UBXN7: variants seen among roughly 807,000 people sequenced by gnomAD.
UBXN7 encodes UBX domain-containing protein 7.
A neutral mutation model predicts 58.0 loss-of-function variants in UBXN7; 9 were observed. The ratio of observed to expected loss-of-function variants is 0.16; its 90% CI spans 0.09 to 0.27. UBXN7 has a LOEUF of 0.27. UBXN7 is among the 10% of genes least tolerant of loss of function. The pLI is 1.00. For synonymous variants in UBXN7, 208 were observed against 205.0 expected (o/e 1.01, Z -0.12); for missense variants, 328 against 599.6 (o/e 0.55, Z 4.73).
At chr3:196,427,858 G>A (rs1730898953) in intron 1 of UBXN7, among the ~76,000 whole-genome samples, 1 of 152,216 alleles carries the variant, frequency 6.6e-6, no homozygotes, top group Non-Finnish European at 1.5e-5. Context: ...CGGTTGCAGT[G>A]GCTCACGCCC....
chr3:196,424,477 C>G (rs1196009624), intron 1 of UBXN7, among the ~76,000 whole-genome samples: 2 of 148,914 alleles, frequency 1.3e-5, no homozygotes, highest in Non-Finnish European at 3.0e-5. Context: ...TCACTGCAGC[C>G]TCAAAGTTCT....
At chr3:196,368,361 A>G (rs1728726710) in intron 7 of UBXN7, among the ~76,000 whole-genome samples, 1 of 152,182 alleles carries the variant, frequency 6.6e-6, no homozygotes, top group Non-Finnish European at 1.5e-5. Context: ...TATCTCTTTC[A>G]GCATATGCAT....
At chr3:196,404,510 C>G (rs1249631413) in intron 2 of UBXN7, among the ~76,000 whole-genome samples, 1 of 152,028 alleles carries the variant, frequency 6.6e-6, no homozygotes, top group Non-Finnish European at 1.5e-5. Context: ...GATCCGCCCA[C>G]CTCGGCCTCC....
chr3:196,431,981 A>G, intron 1 of UBXN7: 2 of 469,378 alleles, frequency 4.3e-6, no homozygotes, highest in Admixed American at 3.3e-5. Flanking sequence ...GAGGAGGAGG[A>G]GGGCGGTGGC....
chr3:196,432,087 T>TG, intron 1 of UBXN7: 1 of 625,056 alleles, frequency 1.6e-6, no homozygotes, highest in Non-Finnish European at 2.9e-6. Context: ...GGCGGGGGGT[T>TG]GGGGGATCTC....
At chr3:196,429,537 A>G (rs1222876349) in intron 1 of UBXN7, among the ~76,000 whole-genome samples, 1 of 151,920 alleles carries the variant, frequency 6.6e-6, no homozygotes, top group Non-Finnish European at 1.5e-5. Flanking sequence ...ATTTTTGATG[A>G]TGCATTTGTT....
At chr3:196,359,262 C>T (rs186222238) in intron 10 of UBXN7, among the ~76,000 whole-genome samples, 17 of 152,224 alleles carry the variant, frequency 1.1e-4, no homozygotes, top group Middle Eastern at 3.4e-3. Context: ...CCACAAACCA[C>T]GCCCACACAA....
intron 3 of UBXN7, among the ~76,000 whole-genome samples, chr3:196,401,300 C>T (rs7632728): frequency 0.16 from 8,542 of 55,048 alleles, 670 homozygotes; most frequent in East Asian, 0.45. Flanking sequence ...TATATATATA[C>T]ACACACACAC....
At chr3:196,364,227 G>A (rs1728591474) in intron 8 of UBXN7, among the ~76,000 whole-genome samples, 1 of 152,088 alleles carries the variant, frequency 6.6e-6, no homozygotes, top group Non-Finnish European at 1.5e-5. Context: ...TTGTTTGAGT[G>A]GAACTTACTT....
intron 1 of UBXN7, among the ~76,000 whole-genome samples, chr3:196,410,674 T>G (rs1430237831): frequency 1.3e-5 from 2 of 151,696 alleles, no homozygotes. Flanking sequence ...ATACAAAAAT[T>G]AGCCAAGCAT....
chr3:196,366,390 C>T (rs112591451), intron 8 of UBXN7, among the ~76,000 whole-genome samples: 1 of 151,746 alleles, frequency 6.6e-6, no homozygotes, highest in Non-Finnish European at 1.5e-5. Context: ...ATGGTGCACA[C>T]CTGTAGTCCT....
At chr3:196,397,911 T>C (rs1329077938) in intron 3 of UBXN7, 2 of 152,272 alleles carry the variant, frequency 1.3e-5, no homozygotes, top group South Asian at 2.1e-4. Flanking sequence ...GAGTTTTTCA[T>C]ACTGTTTCAT....
intron 5 of UBXN7, among the ~76,000 whole-genome samples, chr3:196,375,039 G>T: frequency 6.8e-6 from 1 of 148,138 alleles, no homozygotes; most frequent in Non-Finnish European, 1.5e-5. Flanking sequence ...AGGAAGGAAG[G>T]AAGGGAAAGG....
chr3:196,393,657 T>C (rs1388617296), intron 3 of UBXN7, 38 bp from the exon 4 acceptor site: 4 of 1,573,344 alleles, frequency 2.5e-6, no homozygotes, highest in Middle Eastern at 3.4e-4. Flanking sequence ...ATTTTTTAAA[T>C]TAATTTTGAA....
At chr3:196,374,713 T>C (rs1336550889) in intron 5 of UBXN7, among the ~76,000 whole-genome samples, 1 of 149,912 alleles carries the variant, frequency 6.7e-6, no homozygotes, top group Non-Finnish European at 1.5e-5. Context: ...AAACCCCATC[T>C]CTACTAAAAA....
intron 5 of UBXN7, among the ~76,000 whole-genome samples, chr3:196,382,310 G>A (rs1475123108): frequency 6.6e-6 from 1 of 152,180 alleles, no homozygotes; most frequent in Non-Finnish European, 1.5e-5. Context: ...AACCCTACAA[G>A]CCAGAAGAGT....
chr3:196,385,885 T>C (rs911249482), intron 5 of UBXN7, among the ~76,000 whole-genome samples: 2 of 152,062 alleles, frequency 1.3e-5, no homozygotes, highest in African/African-American at 2.4e-5. Context: ...GTGTACCCAA[T>C]AGCTCATTGA....
At chr3:196,402,883 C>A in intron 3 of UBXN7, 69 bp downstream of exon 3, 1 of 1,527,212 alleles carries the variant, frequency 6.5e-7, no homozygotes, top group South Asian at 1.2e-5. Context: ...GCCTTCACAT[C>A]TTTTGATGGT....
intron 5 of UBXN7, among the ~76,000 whole-genome samples, chr3:196,384,863 T>TG (rs1473366695): frequency 6.6e-6 from 1 of 152,122 alleles, no homozygotes; most frequent in East Asian, 1.9e-4. Context: ...GGGCAAAAAC[T>TG]GGAAGCATTC....
Sources: gnomAD v4.1 joint callset for allele counts (sites outside exome capture counted in the v4.1 genomes callset) on GRCh38, gnomAD v4.1.1 for gene constraint, MANE v1.5 for transcripts, NCBI Gene and HGNC (gene_info 2026-07-23, HGNC 2026-07-21) for gene names.